The following C5orf63 variants were observed in gnomAD, a reference collection of about 807,000 sequenced individuals.
C5orf63 encodes glutaredoxin-like protein C5orf63.
Under a neutral mutation model 13.3 loss-of-function variants are expected in C5orf63, and 18 were observed. The ratio of observed to expected loss-of-function variants is 1.36; its 90% CI spans 0.94 to 2.01. C5orf63 has a LOEUF of 2.01. Ranked by LOEUF, C5orf63 falls within the 30% of genes most tolerant of loss-of-function variation. The pLI is 0.00. For missense variants in C5orf63, 118 were observed against 127.7 expected (o/e 0.92, Z 0.36); for synonymous variants, 38 against 44.7 (o/e 0.85, Z 0.60).
chr5:127,058,874 C>T lies in C5orf63; in HGVS notation c.114+8G>A, dbSNP rs1461847922. On this transcript the variant is annotated splice_region_variant and intron_variant, in intron 3 of 4. Coordinates refer to ENST00000296662, the MANE Select transcript of C5orf63 (RefSeq NM_001164478.2). Reference sequence around the variant, plus strand: ...TTCACCCAACAATTTTACTTTTTCACTTTGTACCTTTGTGAATAAGGTCAA... The same window carrying T: ...TTCACCCAACAATTTTACTTTTTCATTTTGTACCTTTGTGAATAAGGTCAA... 6.6e-7 allele frequency: 1 copy of T among 1,514,464 alleles called. No individual in the cohort carries two copies. Among genetic ancestry groups the T allele is most frequent in the African/African-American group, 1.4e-5 (1 of 72,526 alleles). The allele number at this position is 1,514,464 out of a possible 1,614,324, so 93.8% of individuals were successfully genotyped here.
At chr5:127,059,485 T>C (rs1004290868) in intron 2 of C5orf63, among the ~76,000 whole-genome samples, 2 of 152,144 alleles carry the variant, frequency 1.3e-5, no homozygotes, top group Non-Finnish European at 2.9e-5. Context: ...CCTGGCACTT[T>C]GGGAGGCCAA....
At position 127,051,438 on chromosome 5, in the gene C5orf63, A is replaced by C. The variant is rs1753670548; in HGVS notation, c.*333T>G. On this transcript the variant is annotated 3_prime_UTR_variant, in exon 5 of 5. Transcript: ENST00000296662. ...TCCGGGGCAGCAGCAGGAATGCAGAACCTTCTTCCTATAAATGGCATTGCC... is the reference window on the plus strand; with the variant it reads ...TCCGGGGCAGCAGCAGGAATGCAGACCCTTCTTCCTATAAATGGCATTGCC... 8.1e-7 allele frequency: 1 copy of C among 1,233,044 alleles called. No individual in the cohort carries two copies. The highest frequency in any genetic ancestry group is 3.1e-5 in the East Asian group (1 of 31,756). The allele number at this position is 1,233,044 out of a possible 1,614,324, so 76.4% of individuals were successfully genotyped here. A position where few individuals can be genotyped will look rare whatever the true frequency, so the allele number is the denominator to read the frequency against.
At chr5:127,044,723 A>G (rs1403806469), downstream of C5orf63, 1 of 149,564 alleles carries the variant, frequency 6.7e-6, no homozygotes, top group Non-Finnish European at 1.5e-5. Context: ...CCTCCCCACA[A>G]TTCAGCCAAA....
rs139887872 is a variant in C5orf63, at chr5:127,065,109, A to C, written c.-7-6107T>G. ...TAACAAGAATAACAAGATGTATTTC[A>C]GTTATACAGATTCAGGAGAAAGGTG... On this transcript the variant is annotated intron_variant, in intron 2 of 4. Transcript: ENST00000296662. 9.8e-5 allele frequency among the ~76,000 whole-genome samples: 15 copies of C among 152,340 alleles called. No individual in the cohort carries two copies. In the East Asian group the frequency reaches 2.9e-3, roughly 29 times the overall value.
Position 127,052,773 on chromosome 5 carries a change from T to C in C5orf63, c.115-104A>G, listed in dbSNP as rs151121913. The C allele has an allele frequency of 3.3e-4, 242 of 737,302 alleles. 1 individual carries two copies. In the African/African-American group the frequency reaches 4.0e-3, roughly 12 times the overall value. The allele number at this position is 737,302 out of a possible 1,614,324, so 45.7% of individuals were successfully genotyped here. On this transcript the variant is annotated intron_variant, in intron 3 of 4. Transcript: ENST00000296662. Reference sequence around the variant, plus strand: ...ACCCATAAGAGGCAGATTATACTTATTTTAAAGAATAGTTTTCTACCATGT... The same window carrying C: ...ACCCATAAGAGGCAGATTATACTTACTTTAAAGAATAGTTTTCTACCATGT...
At position 127,051,954 on chromosome 5, in the gene C5orf63, C is replaced by T; in HGVS notation, c.172-7G>A. ...TCACCTCCTGTAAAATGAACTGAAA[C>T]AGAGACAGACTAAAGCTCTGTATTT... On this transcript the variant is annotated splice_region_variant and splice_polypyrimidine_tract_variant and intron_variant, in intron 4 of 4. Coordinates refer to ENST00000296662, the MANE Select transcript of C5orf63 (RefSeq NM_001164478.2). 1 of 1,490,704 alleles carries T rather than the reference C, an allele frequency of 6.7e-7. No homozygotes were observed. 92.3% of individuals were successfully genotyped at this position (1,490,704 alleles called of 1,614,324 possible). A position where few individuals can be genotyped will look rare whatever the true frequency, so the allele number is the denominator to read the frequency against.
intron 1 of C5orf63, among the ~76,000 whole-genome samples, chr5:127,072,735 AAGAC>A (rs1754597013): frequency 6.6e-6 from 1 of 152,222 alleles, no homozygotes; most frequent in South Asian, 2.1e-4. Flanking sequence ...TTCCCTGTGA[AAGAC>A]AGCCTTAGAA....
In C5orf63 at chr5:127,051,550, G is replaced by A. The variant is rs1407681537; in HGVS notation, c.*221C>T. The A allele has an allele frequency of 2.4e-6, 3 of 1,243,636 alleles. No homozygotes were observed. In the East Asian group the frequency reaches 9.3e-5, roughly 39 times the overall value. 77.0% of individuals were successfully genotyped at this position (1,243,636 alleles called of 1,614,324 possible). A position where few individuals can be genotyped will look rare whatever the true frequency, so the allele number is the denominator to read the frequency against. ...CCCTCCCTCCATCATCTCCCTCCCT[G>A]CTAATATGCTCTTCTTATTTTATAA... On this transcript the variant is annotated 3_prime_UTR_variant, in exon 5 of 5. Transcript: ENST00000296662.
chr5:127,072,767 T>G (rs963599011), intron 1 of C5orf63, among the ~76,000 whole-genome samples: 6 of 152,202 alleles, frequency 3.9e-5, no homozygotes, highest in African/African-American at 1.4e-4. Context: ...CAAGCCTAAC[T>G]CACAATGACA....
intron 2 of C5orf63, among the ~76,000 whole-genome samples, 186 bp from the exon 3 acceptor site, chr5:127,059,188 C>A (rs931504291): frequency 1.3e-5 from 2 of 152,024 alleles, no homozygotes; most frequent in Non-Finnish European, 2.9e-5. Context: ...CATTGTATTC[C>A]GAACGAAACA....
chr5:127,059,055 T>C, intron 2 of C5orf63, 53 bp from the exon 3 acceptor site: 1 of 1,033,422 alleles, frequency 9.7e-7, no homozygotes. Context: ...CTTTGTTCCT[T>C]ACAATATGGA....
At chr5:127,055,797 T>C (rs1203790129) in intron 3 of C5orf63, among the ~76,000 whole-genome samples, 1 of 152,242 alleles carries the variant, frequency 6.6e-6, no homozygotes, top group East Asian at 1.9e-4. Flanking sequence ...GCTTTTATAT[T>C]AAGAACTTTA....
chr5:127,044,258 C>T (rs1324245180), downstream of C5orf63: 2 of 152,032 alleles, frequency 1.3e-5, no homozygotes, highest in African/African-American at 2.4e-5. Context: ...TCAATATAGG[C>T]CTATGGTTGG....
At chr5:127,058,335 T>A (rs1753967725) in intron 3 of C5orf63, among the ~76,000 whole-genome samples, 1 of 152,242 alleles carries the variant, frequency 6.6e-6, no homozygotes, top group Non-Finnish European at 1.5e-5. Context: ...GATAATGGCC[T>A]CTAACTGCAT....
At chr5:127,044,610 G>GGT (rs1196565398), downstream of C5orf63, 1 of 151,982 alleles carries the variant, frequency 6.6e-6, no homozygotes, top group Non-Finnish European at 1.5e-5. Context: ...CTGTCTCTAT[G>GGT]GTGAACAAGA....
chr5:127,051,329 A>C lies in C5orf63; in HGVS notation c.*442T>G. ...TATTCCTTAAAACATCGCTTTATTGACCGTGCACAGTTATTAACAATTCAC... is the reference window on the plus strand; with the variant it reads ...TATTCCTTAAAACATCGCTTTATTGCCCGTGCACAGTTATTAACAATTCAC... On this transcript the variant is annotated 3_prime_UTR_variant, in exon 5 of 5. Transcript: ENST00000296662. 1 of 1,230,934 alleles carries C rather than the reference A, an allele frequency of 8.1e-7. No individual in the cohort carries two copies. Among genetic ancestry groups the C allele is most frequent in the Non-Finnish European group, 1.0e-6 (1 of 987,470 alleles). 76.3% of individuals were successfully genotyped at this position (1,230,934 alleles called of 1,614,324 possible). A position where few individuals can be genotyped will look rare whatever the true frequency, so the allele number is the denominator to read the frequency against.
chr5:127,069,021 C>A (rs1031253551), intron 2 of C5orf63, among the ~76,000 whole-genome samples: 1 of 152,162 alleles, frequency 6.6e-6, no homozygotes, highest in African/African-American at 2.4e-5. Flanking sequence ...GCAGCATATT[C>A]CAAATTCAGA....
intron 2 of C5orf63, among the ~76,000 whole-genome samples, chr5:127,069,377 GCT>G (rs1754449317): frequency 6.6e-6 from 1 of 152,148 alleles, no homozygotes; most frequent in South Asian, 2.1e-4. Flanking sequence ...ATTGTACCCA[GCT>G]AGTAATGCAA....
intron 3 of C5orf63, among the ~76,000 whole-genome samples, chr5:127,057,849 A>C (rs1753947562): frequency 6.6e-6 from 1 of 152,122 alleles, no homozygotes; most frequent in Non-Finnish European, 1.5e-5. Flanking sequence ...TCACTGTTTA[A>C]ATAAGCCCCC....
Sources: gnomAD v4.1 joint callset for allele counts (sites outside exome capture counted in the v4.1 genomes callset) on GRCh38, gnomAD v4.1.1 for gene constraint, MANE v1.5 for transcripts, NCBI Gene and HGNC (gene_info 2026-07-23, HGNC 2026-07-21) for gene names.